The following MYO3B variants were observed in gnomAD, a reference collection of about 807,000 sequenced individuals.
MYO3B encodes myosin IIIB.
In MYO3B, 156 loss-of-function variants were observed where a neutral mutation model predicts 174.6. The ratio of observed to expected loss-of-function variants is 0.89; its 90% confidence interval spans 0.78 to 1.02. The LOEUF is 1.02. Ranked by LOEUF, MYO3B falls within the 50% of genes least tolerant of loss-of-function variation. The probability of loss-of-function intolerance (pLI) is 0.00; values close to 1 mark genes in which losing one functional copy is unlikely to be tolerated. For missense variants in MYO3B, 1,632 were observed against 1,639.4 expected, an observed-to-expected ratio of 1.00 and a Z score of 0.08; for synonymous variants, 563 against 569.1, an observed-to-expected ratio of 0.99 and a Z score of 0.15.
At chr2:170,460,872 A>G (rs1039443679) in intron 23 of MYO3B, among the ~76,000 whole-genome samples, 1 of 152,176 alleles carries the variant, frequency 6.6e-6, no homozygotes, top group Non-Finnish European at 1.5e-5. Context: ...GTGCAGATTT[A>G]TGGGGTACAT....
chr2:170,339,716 GC>G (rs2093966055), intron 8 of MYO3B, among the ~76,000 whole-genome samples: 1 of 152,196 alleles, frequency 6.6e-6, no homozygotes, highest in Non-Finnish European at 1.5e-5. Context: ...TTTAAAAGAA[GC>G]ATCAGCCTGT....
At chr2:170,278,543 G>A (rs866754085) in intron 7 of MYO3B, among the ~76,000 whole-genome samples, 2 of 152,216 alleles carry the variant, frequency 1.3e-5, no homozygotes, top group Middle Eastern at 3.4e-3. Flanking sequence ...TGCATAGAAT[G>A]TCTAGTGATC....
chr2:170,248,949 T>C (rs1257091112), intron 7 of MYO3B, among the ~76,000 whole-genome samples: 1 of 152,268 alleles, frequency 6.6e-6, no homozygotes, highest in Non-Finnish European at 1.5e-5. Flanking sequence ...AGCGTGCTCC[T>C]TATGTACTCA....
intron 1 of MYO3B, among the ~76,000 whole-genome samples, chr2:170,190,413 TA>T (rs1462679323): frequency 6.6e-6 from 1 of 152,144 alleles, no homozygotes; most frequent in Non-Finnish European, 1.5e-5. Flanking sequence ...TGAAGCCAGC[TA>T]GGTTTGTGTC....
intron 7 of MYO3B, among the ~76,000 whole-genome samples, chr2:170,260,521 A>G (rs2093337697): frequency 6.6e-6 from 1 of 152,208 alleles, no homozygotes; most frequent in Admixed American, 6.5e-5. Context: ...CACAGACATA[A>G]AGATTGGAAC....
intron 9 of MYO3B, among the ~76,000 whole-genome samples, chr2:170,381,197 T>C (rs2094332946): frequency 6.6e-6 from 1 of 152,130 alleles, no homozygotes; most frequent in Non-Finnish European, 1.5e-5. Flanking sequence ...AATAGGTACA[T>C]ATTCATAAAG....
chr2:170,396,825 A>AAG (rs142722088), intron 16 of MYO3B, among the ~76,000 whole-genome samples: 3 of 150,900 alleles, frequency 2.0e-5, no homozygotes, highest in South Asian at 2.1e-4. Flanking sequence ...TACATGAAGA[A>AAG]AGAGAGAGAG....
At chr2:170,268,989 C>A (rs1173016150) in intron 7 of MYO3B, among the ~76,000 whole-genome samples, 1 of 152,082 alleles carries the variant, frequency 6.6e-6, no homozygotes, top group Non-Finnish European at 1.5e-5. Context: ...AAGAAAAGTG[C>A]GTGATAGGTG....
intron 32 of MYO3B, among the ~76,000 whole-genome samples, chr2:170,581,115 A>T (rs1481778588): frequency 6.6e-6 from 1 of 152,198 alleles, no homozygotes; most frequent in African/African-American, 2.4e-5. Context: ...CCAAACATGT[A>T]GTACAAATTT....
At chr2:170,517,555 A>T (rs1688397256) in intron 29 of MYO3B, among the ~76,000 whole-genome samples, 1 of 152,132 alleles carries the variant, frequency 6.6e-6, no homozygotes, top group Non-Finnish European at 1.5e-5. Context: ...GTACAGACAA[A>T]AGCTTGCAAT....
chr2:170,212,904 A>G (rs1408310276), intron 3 of MYO3B, among the ~76,000 whole-genome samples: 1 of 152,196 alleles, frequency 6.6e-6, no homozygotes, highest in African/African-American at 2.4e-5. Context: ...CAGGTCAGAG[A>G]TTCTCTGGGG....
chr2:170,518,851 A>G (rs1688484338), intron 29 of MYO3B, among the ~76,000 whole-genome samples: 1 of 152,252 alleles, frequency 6.6e-6, no homozygotes, highest in Non-Finnish European at 1.5e-5. Flanking sequence ...AGGTTGAATT[A>G]AAGTTCAGTG....
In MYO3B at chr2:170,355,557, G is replaced by A. The variant is rs575458567; in HGVS notation, c.816-13665G>A. 2.6e-5 allele frequency among the ~76,000 whole-genome samples: 4 copies of A among 152,302 alleles called. No homozygotes were observed. In the East Asian group the frequency reaches 7.7e-4, roughly 29 times the overall value. On this transcript the variant is annotated intron_variant, in intron 8 of 34. Transcript: ENST00000408978. ...ATTATTGTCATCATTTAGGGAGCAA[G>A]TCAGCTGTCCTTTTGTTGCCAACTC...
chr2:170,211,996 C>T (rs2105360122), intron 3 of MYO3B, among the ~76,000 whole-genome samples: 1 of 150,844 alleles, frequency 6.6e-6, no homozygotes, highest in Non-Finnish European at 1.5e-5. Flanking sequence ...GTAATCCCAG[C>T]ACCTTGGGAG....
intron 30 of MYO3B, among the ~76,000 whole-genome samples, chr2:170,538,368 A>C (rs774503988): frequency 3.3e-5 from 5 of 152,246 alleles, no homozygotes; most frequent in African/African-American, 7.2e-5. Context: ...ATTGCAACTC[A>C]GCTCTCCCCA....
chr2:170,179,998 C>T lies in MYO3B; in HGVS notation c.2+1709C>T, dbSNP rs575535394. On this transcript the variant is annotated intron_variant, in intron 1 of 34. Transcript: ENST00000408978. The stretch of plus-strand genomic sequence containing the variant: ...TCTATGATTTGTGATTCATATATAC[C>T]ATACTATAACATCTAGAAAAAATAT... Among the ~76,000 whole-genome samples the T allele has an allele frequency of 9.2e-5, 14 of 152,156 alleles. No individual in the cohort carries two copies. The South Asian group carries it at 2.9e-3, about 32-fold the overall frequency.
chr2:170,543,391 A>G (rs1690251533), intron 31 of MYO3B, among the ~76,000 whole-genome samples: 2 of 152,090 alleles, frequency 1.3e-5, no homozygotes, highest in Non-Finnish European at 2.9e-5. Context: ...GTCTGATCCA[A>G]TTTTTGCTGC....
At chr2:170,640,850 T>G (rs1697901303) in intron 32 of MYO3B, 1 of 152,114 alleles carries the variant, frequency 6.6e-6, no homozygotes, top group Admixed American at 6.5e-5. Flanking sequence ...GGTTTTCCAT[T>G]TACAGTGGCG....
At chr2:170,488,907 C>T (rs1186159848) in intron 25 of MYO3B, among the ~76,000 whole-genome samples, 3 of 152,196 alleles carry the variant, frequency 2.0e-5, no homozygotes, top group Non-Finnish European at 2.9e-5. Flanking sequence ...TTGGATCCCT[C>T]ACACGTATGT....
Sources: allele counts gnomAD v4.1 joint callset (sites outside exome capture counted in the v4.1 genomes callset), GRCh38; gene constraint gnomAD v4.1.1; transcripts MANE v1.5; gene names NCBI Gene and HGNC (gene_info 2026-07-23, HGNC 2026-07-21).